CNTN6: variants seen among roughly 807,000 people sequenced by gnomAD.
The protein encoded by CNTN6 is contactin-6.
Under a neutral mutation model 122.8 loss-of-function variants are expected in CNTN6, and 137 were observed. The ratio of observed to expected loss-of-function variants is 1.12; its 90% CI spans 0.97 to 1.29. CNTN6 has a LOEUF of 1.29. Among genes scored for constraint, CNTN6 ranks in the 50% most tolerant of loss-of-function variants. The probability of loss-of-function intolerance (pLI) is 0.00; values close to 1 mark genes in which losing one functional copy is unlikely to be tolerated. For missense variants in CNTN6, 1,634 were observed against 1,223.4 expected, an observed-to-expected ratio of 1.34 and a Z score of -5.01; for synonymous variants, 570 against 426.0, an observed-to-expected ratio of 1.34 and a Z score of -4.16.
chr3:1,244,075 C>T (rs900149732), intron 4 of CNTN6, among the ~76,000 whole-genome samples: 1 of 152,118 alleles, frequency 6.6e-6, no homozygotes, highest in Non-Finnish European at 1.5e-5. Flanking sequence ...ATGGAGAAAT[C>T]GAACGTGCCG....
rs187844244 is a variant in CNTN6 at position 1,172,356 on chromosome 3, G to C, written c.55+24293G>C. 3.7e-3 allele frequency among the ~76,000 whole-genome samples: 564 copies of C among 152,094 alleles called. 4 individuals are homozygous for C. Among genetic ancestry groups the C allele is most frequent in the African/African-American group, 0.013 (530 of 41,394 alleles). On this transcript the variant is annotated intron_variant, in intron 2 of 22. Coordinates refer to ENST00000446702, the MANE Select transcript of CNTN6 (RefSeq NM_001289080.2). ...TATGTAACAGCAGTGTATCACAAAG[G>C]AGGAAAACAAGAAAGAAGGGAATTA...
At chr3:1,341,707 C>T (rs1703915795) in intron 11 of CNTN6, among the ~76,000 whole-genome samples, 1 of 152,132 alleles carries the variant, frequency 6.6e-6, no homozygotes, top group Non-Finnish European at 1.5e-5. Context: ...AACAAGGTGA[C>T]ACATTATGAT....
intron 20 of CNTN6, among the ~76,000 whole-genome samples, chr3:1,393,672 C>T (rs1694576107): frequency 6.7e-6 from 1 of 149,412 alleles, no homozygotes; most frequent in African/African-American, 2.5e-5. Flanking sequence ...CACATTGTAT[C>T]ATGGTAGACT....
chr3:1,350,707 A>C (rs1705488374), intron 11 of CNTN6, among the ~76,000 whole-genome samples: 1 of 151,692 alleles, frequency 6.6e-6, no homozygotes, highest in African/African-American at 2.4e-5. Context: ...AGTGGCTGGA[A>C]AACTTTCTTG....
rs1160611740 is a variant in CNTN6, at chr3:1,374,132, C to G, written c.2095+59C>G. On this transcript the variant is annotated intron_variant, in intron 16 of 22. Coordinates refer to ENST00000446702, the MANE Select transcript of CNTN6 (RefSeq NM_001289080.2). The stretch of plus-strand genomic sequence containing the variant: ...ATTTCGTATGATACAGTTCTTAAAA[C>G]AAAACAAGTATTTTTATGTGTCTTC... The G allele has an allele frequency of 8.6e-6, 9 of 1,045,192 alleles. No individual in the cohort carries two copies. In the East Asian group the frequency reaches 2.2e-4, roughly 26 times the overall value. 64.7% of individuals were successfully genotyped at this position (1,045,192 alleles called of 1,614,324 possible).
chr3:1,230,011 A>G (rs754875103), intron 4 of CNTN6, among the ~76,000 whole-genome samples: 1 of 152,158 alleles, frequency 6.6e-6, no homozygotes, highest in Non-Finnish European at 1.5e-5. Context: ...CCGGGGAGAC[A>G]TGTGCGAGAG....
chr3:1,291,991 C>G (rs532251982), intron 5 of CNTN6, among the ~76,000 whole-genome samples: 2 of 152,074 alleles, frequency 1.3e-5, no homozygotes, highest in Non-Finnish European at 2.9e-5. Flanking sequence ...GGAAACCATT[C>G]GTAGAAGCTT....
At chr3:1,291,019 C>A (rs991757748) in intron 5 of CNTN6, among the ~76,000 whole-genome samples, 1 of 152,126 alleles carries the variant, frequency 6.6e-6, no homozygotes, top group Admixed American at 6.5e-5. Flanking sequence ...TTACACAGCC[C>A]GTATTCAAGA....
rs183591389 is a variant in CNTN6, at chr3:1,366,067, A to C, written c.1493-6232A>C. 1.5e-4 allele frequency among the ~76,000 whole-genome samples: 23 copies of C among 152,276 alleles called. 1 individual carries two copies. In the South Asian group the frequency reaches 1.7e-3, roughly 11 times the overall value. On this transcript the variant is annotated intron_variant, in intron 12 of 22. Coordinates refer to ENST00000446702, the MANE Select transcript of CNTN6 (RefSeq NM_001289080.2). ...GAAGCCTGATGAAAGGACGTATTCA[A>C]GGTCTAGACACACTGAATCAGTATT...
chr3:1,176,662 C>T (rs1575127148), intron 2 of CNTN6, among the ~76,000 whole-genome samples: 1 of 152,242 alleles, frequency 6.6e-6, no homozygotes, highest in East Asian at 1.9e-4. Flanking sequence ...TCATAACAAG[C>T]ATGTCACCTA....
In CNTN6 at chr3:1,102,719, C is replaced by T. The variant is rs1348190596; in HGVS notation, c.-83+9599C>T. 2.0e-5 allele frequency among the ~76,000 whole-genome samples: 3 copies of T among 150,028 alleles called. No homozygotes were observed. The South Asian group carries it at 6.4e-4, about 32-fold the overall frequency. On this transcript the variant is annotated intron_variant, in intron 1 of 22. Transcript: ENST00000446702. The stretch of plus-strand genomic sequence containing the variant: ...CTCCAGCCTGGGCGACAGGGCGAGA[C>T]TCCGTCTCAAAAAATAAATAAATAC...
chr3:1,161,209 G>T (rs1160555898), intron 2 of CNTN6, among the ~76,000 whole-genome samples: 2 of 150,480 alleles, frequency 1.3e-5, no homozygotes, highest in Non-Finnish European at 3.0e-5. Flanking sequence ...ATGACAGTGA[G>T]AAATAGTCTA....
rs534257494 is a variant in CNTN6, at chr3:1,259,832, T to C, written c.359-18581T>C. ...AGATGTATCCATGTATAATAATATT[T>C]GCAGTATACTATATGTAATTATATA... On this transcript the variant is annotated intron_variant, in intron 4 of 22. Coordinates refer to ENST00000446702, the MANE Select transcript of CNTN6 (RefSeq NM_001289080.2). Among the ~76,000 whole-genome samples the C allele has an allele frequency of 1.3e-4, 20 of 152,280 alleles. No homozygotes were observed. In the South Asian group the frequency reaches 4.1e-3, roughly 32 times the overall value.
intron 7 of CNTN6, among the ~76,000 whole-genome samples, chr3:1,301,920 T>C (rs998192668): frequency 2.0e-5 from 3 of 152,200 alleles, no homozygotes; most frequent in African/African-American, 7.2e-5. Flanking sequence ...AGAAAACAAA[T>C]TAAATTATCT....
Position 1,108,642 on chromosome 3 carries a change from G to A in CNTN6, c.-83+15522G>A, listed in dbSNP as rs553035082. Among the ~76,000 whole-genome samples the A allele has an allele frequency of 2.6e-5, 4 of 152,148 alleles. No individual in the cohort carries two copies. In the East Asian group the frequency reaches 7.7e-4, roughly 29 times the overall value. Reference sequence around the variant, plus strand: ...TTTCTACATGTTTGGTGTAAAAAGTGCTTGTTATATTTAAGGCTCTAAGGA... The same window carrying A: ...TTTCTACATGTTTGGTGTAAAAAGTACTTGTTATATTTAAGGCTCTAAGGA... On this transcript the variant is annotated intron_variant, in intron 1 of 22. Transcript: ENST00000446702.
chr3:1,383,582 T>C lies in CNTN6; in HGVS notation c.2517+174T>C, dbSNP rs112148480. Among the ~76,000 whole-genome samples the C allele has an allele frequency of 2.3e-3, 347 of 152,220 alleles. 3 individuals carry two copies. In the Middle Eastern group the frequency reaches 0.041, roughly 18 times the overall value. On this transcript the variant is annotated intron_variant, in intron 19 of 22. Transcript: ENST00000446702. ...AGGTGAGCCCCCACATTGAGAGGCTTAGCCTGGGATGTTTCTTGTCCTCGC... is the reference window on the plus strand; with the variant it reads ...AGGTGAGCCCCCACATTGAGAGGCTCAGCCTGGGATGTTTCTTGTCCTCGC...
At chr3:1,303,014 C>G (rs1015322182) in intron 7 of CNTN6, among the ~76,000 whole-genome samples, 10 of 152,052 alleles carry the variant, frequency 6.6e-5, no homozygotes, top group Non-Finnish European at 1.2e-4. Flanking sequence ...TTACTTCCCC[C>G]CTTAGCTATG....
intron 12 of CNTN6, among the ~76,000 whole-genome samples, chr3:1,361,150 G>T (rs1297345968): frequency 2.0e-5 from 3 of 151,974 alleles, no homozygotes; most frequent in East Asian, 1.9e-4. Context: ...CAACTGAAGG[G>T]TCTCACCCGA....
At chr3:1,240,088 C>T (rs1013471883) in intron 4 of CNTN6, among the ~76,000 whole-genome samples, 1 of 151,970 alleles carries the variant, frequency 6.6e-6, no homozygotes, top group Non-Finnish European at 1.5e-5. Context: ...AACATTGGAA[C>T]AACACTTCCA....
Sources: allele counts gnomAD v4.1 joint callset (sites outside exome capture counted in the v4.1 genomes callset), GRCh38; gene constraint gnomAD v4.1.1; transcripts MANE v1.5; gene names NCBI Gene and HGNC (gene_info 2026-07-23, HGNC 2026-07-21).